LGR5: variants seen among roughly 807,000 people sequenced by gnomAD.
The protein encoded by LGR5 is leucine-rich repeat-containing G protein-coupled receptor 5.
In LGR5, 54 loss-of-function variants were observed where a neutral mutation model predicts 76.7. That is an observed-to-expected ratio of 0.70 (90% confidence interval 0.57 to 0.88). The LOEUF (loss-of-function observed/expected upper bound fraction) is 0.88. Among genes scored for constraint, LGR5 ranks in the 40% least tolerant of loss-of-function variants. LGR5 has a pLI of 0.00. For missense variants in LGR5, 1,078 were observed against 1,073.3 expected, an observed-to-expected ratio of 1.00 and a Z score of -0.06; for synonymous variants, 406 against 421.9, an observed-to-expected ratio of 0.96 and a Z score of 0.46.
intron 2 of LGR5, among the ~76,000 whole-genome samples, chr12:71,514,429 G>T (rs1344927591): frequency 6.6e-6 from 1 of 152,166 alleles, no homozygotes; most frequent in Non-Finnish European, 1.5e-5. Flanking sequence ...TTAGCCGGGC[G>T]TGGTGGCGGG....
intron 2 of LGR5, among the ~76,000 whole-genome samples, chr12:71,507,329 A>G (rs531093150): frequency 7.9e-5 from 12 of 152,284 alleles, no homozygotes; most frequent in South Asian, 4.2e-4. Flanking sequence ...TTTTTCTCCA[A>G]TAGCACCTAG....
At chr12:71,566,783 A>G in intron 10 of LGR5, 58 bp from the exon 11 acceptor site, 1 of 1,582,704 alleles carries the variant, frequency 6.3e-7, no homozygotes, top group Non-Finnish European at 8.7e-7. Context: ...AGTGAGTCAA[A>G]ATATGTCACT....
At chr12:71,465,076 G>A (rs937735762) in intron 1 of LGR5, among the ~76,000 whole-genome samples, 6 of 152,206 alleles carry the variant, frequency 3.9e-5, no homozygotes, top group African/African-American at 7.2e-5. Flanking sequence ...GGAGGCAGGC[G>A]TCCCCCTCCC....
chr12:71,492,757 A>AG (rs35262060), intron 1 of LGR5, among the ~76,000 whole-genome samples: 17,444 of 151,898 alleles, frequency 0.11, 1,172 homozygotes, highest in African/African-American at 0.16. Flanking sequence ...CTTAAGGTAC[A>AG]GGTTTCTTTG....
At chr12:71,500,063 G>A (rs770448185) in intron 1 of LGR5, among the ~76,000 whole-genome samples, 3 of 151,998 alleles carry the variant, frequency 2.0e-5, no homozygotes, top group Non-Finnish European at 4.4e-5. Context: ...AGGGATGGTG[G>A]GAAAGGGAAA....
chr12:71,447,983 C>T (rs1047821549), intron 1 of LGR5, among the ~76,000 whole-genome samples: 1 of 152,078 alleles, frequency 6.6e-6, no homozygotes, highest in African/African-American at 2.4e-5. Flanking sequence ...CCGTGTTGCT[C>T]ATCTTTCACA....
chr12:71,525,273 A>G (rs576265689), intron 3 of LGR5, among the ~76,000 whole-genome samples: 1 of 152,292 alleles, frequency 6.6e-6, no homozygotes, highest in East Asian at 1.9e-4. Context: ...TAAAAGACAC[A>G]TAGGTTAAAA....
chr12:71,545,944 C>T (rs189529303), intron 4 of LGR5, among the ~76,000 whole-genome samples: 103 of 152,204 alleles, frequency 6.8e-4, no homozygotes, highest in African/African-American at 2.0e-3. Context: ...GCATTATTAA[C>T]CTTTTCACAT....
intron 3 of LGR5, among the ~76,000 whole-genome samples, chr12:71,526,663 CAG>C (rs543644118): frequency 3.9e-5 from 6 of 152,074 alleles, no homozygotes; most frequent in Non-Finnish European, 5.9e-5. Flanking sequence ...GGGACGAAGA[CAG>C]AAAAACAGAG....
At chr12:71,553,334 C>A (rs1393231293) in intron 5 of LGR5, 46 bp downstream of exon 5, 1 of 1,506,564 alleles carries the variant, frequency 6.6e-7, no homozygotes, top group East Asian at 2.3e-5. Context: ...TCTAATGTCA[C>A]TGGAAGACCT....
intron 14 of LGR5, among the ~76,000 whole-genome samples, chr12:71,578,588 A>T (rs1233217163): frequency 1.3e-5 from 2 of 152,248 alleles, no homozygotes; most frequent in East Asian, 1.9e-4. Context: ...GAACAATTTG[A>T]ATACAATTAA....
chr12:71,483,072 A>C (rs533788700), intron 1 of LGR5, among the ~76,000 whole-genome samples: 1 of 152,262 alleles, frequency 6.6e-6, no homozygotes, highest in African/African-American at 2.4e-5. Flanking sequence ...CCAGGCAAAT[A>C]AGTTACTGTT....
chr12:71,567,981 G>T (rs1379466504), intron 11 of LGR5, among the ~76,000 whole-genome samples: 2 of 152,156 alleles, frequency 1.3e-5, no homozygotes, highest in African/African-American at 4.8e-5. Flanking sequence ...TTGAATAACT[G>T]GGAGAAAGTG....
intron 2 of LGR5, among the ~76,000 whole-genome samples, chr12:71,511,226 A>ATCTCTTTT (rs1426912201): frequency 6.6e-6 from 1 of 152,198 alleles, no homozygotes; most frequent in East Asian, 1.9e-4. Context: ...TCCAGACCAG[A>ATCTCTTTT]TCTCTTTTGC....
rs758631581 is a variant in LGR5 at position 71,585,642 on chromosome 12, T to G, written c.*908T>G. The G allele has an allele frequency of 5.9e-5, 9 of 152,256 alleles. No homozygotes were observed. The highest frequency in any genetic ancestry group is 1.3e-4 in the Non-Finnish European group (9 of 68,044). The allele number at this position is 152,256 out of a possible 1,614,324, so 9.4% of individuals were successfully genotyped here. ...CAGTTGATTCAAACTGATGTGCATCTTAATGATCAAATGTGCACATTACAT... is the reference window on the plus strand; with the variant it reads ...CAGTTGATTCAAACTGATGTGCATCGTAATGATCAAATGTGCACATTACAT... On this transcript the variant is annotated 3_prime_UTR_variant, in exon 18 of 18. Coordinates refer to ENST00000266674, the MANE Select transcript of LGR5 (RefSeq NM_003667.4).
At chr12:71,518,956 AC>A (rs1257159159) in intron 2 of LGR5, among the ~76,000 whole-genome samples, 1 of 152,178 alleles carries the variant, frequency 6.6e-6, no homozygotes, top group African/African-American at 2.4e-5. Context: ...TATATAACAA[AC>A]CTGCATATGT....
At chr12:71,567,200 A>G in intron 11 of LGR5, 2 of 386,328 alleles carry the variant, frequency 5.2e-6, no homozygotes, top group East Asian at 1.0e-4. Flanking sequence ...AAATCACTTT[A>G]TTTCCCCCTC....
At chr12:71,496,370 CAAAAAAAAA>C (rs67593850) in intron 1 of LGR5, among the ~76,000 whole-genome samples, 10 of 99,552 alleles carry the variant, frequency 1.0e-4, no homozygotes, top group East Asian at 2.8e-4. Context: ...TCCATCTCAA[CAAAAAAAAA>C]AAAAAAAAAA....
rs1019206475 is a variant in LGR5 at position 71,440,973 on chromosome 12, C to A, written c.212+681C>A. Among the ~76,000 whole-genome samples the A allele has an allele frequency of 6.6e-6, 1 of 152,164 alleles. No homozygotes were observed. The highest frequency in any genetic ancestry group is 6.5e-5 in the Admixed American group (1 of 15,272). On this transcript the variant is annotated intron_variant, in intron 1 of 17. Coordinates refer to ENST00000266674, the MANE Select transcript of LGR5 (RefSeq NM_003667.4). The surrounding 1 kb of genome is among the most constrained non-coding windows in gnomAD (Gnocchi z 5.3). ...TATCTTTACCTTTGGCTGCCCGCGCCGCCCTTTGAAGTGCCCGCGGCCGCT... is the reference window on the plus strand; with the variant it reads ...TATCTTTACCTTTGGCTGCCCGCGCAGCCCTTTGAAGTGCCCGCGGCCGCT...
Sources: allele counts gnomAD v4.1 joint callset (sites outside exome capture counted in the v4.1 genomes callset), GRCh38; gene constraint gnomAD v4.1.1; non-coding constraint Gnocchi (gnomAD v3.1); transcripts MANE v1.5; gene names NCBI Gene and HGNC (gene_info 2026-07-23, HGNC 2026-07-21).